Variants in CIT observed in about 807,000 individuals in gnomAD.
CIT encodes the protein citron rho-interacting serine/threonine kinase, also known as citron Rho-interacting kinase.
A neutral mutation model predicts 272.7 loss-of-function variants in CIT; 79 were observed. The ratio of observed to expected loss-of-function variants is 0.29; its 90% CI spans 0.24 to 0.35. The LOEUF is 0.35. Ranked by LOEUF, CIT falls within the 10% of genes least tolerant of loss-of-function variation. CIT has a pLI of 1.00. For missense variants in CIT, 1,909 were observed against 2,618.3 expected (o/e 0.73, Z 5.91); for synonymous variants, 948 against 995.6 (o/e 0.95, Z 0.90).
intron 3 of CIT, among the ~76,000 whole-genome samples, chr12:119,867,952 G>A (rs898555010): frequency 2.0e-5 from 3 of 152,192 alleles, no homozygotes; most frequent in African/African-American, 7.2e-5. Flanking sequence ...TATGGGGCCA[G>A]GCATGGTGGC....
At chr12:119,700,624 AC>A (rs1956503807) in intron 44 of CIT, 120 bp downstream of exon 44, 1 of 801,606 alleles carries the variant, frequency 1.2e-6, no homozygotes, top group Non-Finnish European at 2.2e-6. Flanking sequence ...CTCATGATCC[AC>A]CCGCCTCGGC....
intron 40 of CIT, 86 bp from the exon 41 acceptor site, chr12:119,704,541 C>A: frequency 1.7e-6 from 2 of 1,162,802 alleles, no homozygotes; most frequent in Non-Finnish European, 1.3e-6. Flanking sequence ...TCAGGCTCAG[C>A]GCCATTGATG....
At chr12:119,811,565 T>A (rs577738822) in intron 9 of CIT, among the ~76,000 whole-genome samples, 1 of 152,374 alleles carries the variant, frequency 6.6e-6, no homozygotes, top group African/African-American at 2.4e-5. Context: ...ACTAGGCAGA[T>A]AACCTCTCTG....
chr12:119,825,677 A>G (rs1968105228), intron 7 of CIT, among the ~76,000 whole-genome samples: 1 of 152,234 alleles, frequency 6.6e-6, no homozygotes, highest in Non-Finnish European at 1.5e-5. Context: ...CTTTCCTAAT[A>G]CAAGTTATTG....
intron 22 of CIT, 27 bp from the exon 23 acceptor site, chr12:119,752,274 G>A: frequency 6.4e-7 from 1 of 1,572,340 alleles, no homozygotes. Context: ...GAGAGAAAGA[G>A]AGATAAACCC....
chr12:119,798,742 TCA>T (rs1253136405), intron 10 of CIT, among the ~76,000 whole-genome samples: 1 of 152,208 alleles, frequency 6.6e-6, no homozygotes, highest in Non-Finnish European at 1.5e-5. Context: ...TGCCTTGAGA[TCA>T]CAGTCTACTT....
intron 9 of CIT, among the ~76,000 whole-genome samples, chr12:119,816,006 C>A (rs1283620511): frequency 6.6e-6 from 1 of 152,164 alleles, no homozygotes; most frequent in Non-Finnish European, 1.5e-5. Context: ...CTGCCAACTT[C>A]GGGCTCCATG....
chr12:119,869,395 G>A (rs573024081), intron 2 of CIT, among the ~76,000 whole-genome samples, 194 bp from the exon 3 acceptor site: 79 of 152,282 alleles, frequency 5.2e-4, no homozygotes, highest in African/African-American at 1.9e-3. Flanking sequence ...ATGATTCCAA[G>A]ACTGTGGGTT....
At chr12:119,719,781 C>T (rs1392515828) in intron 30 of CIT, among the ~76,000 whole-genome samples, 1 of 152,208 alleles carries the variant, frequency 6.6e-6, no homozygotes, top group Non-Finnish European at 1.5e-5. Context: ...TTCTTCAAGA[C>T]TTTTCTGGAA....
At position 119,721,298 on chromosome 12, in the gene CIT, C is replaced by T. The variant is rs1957805852; in HGVS notation, c.3732+11G>A. ...ACCATTTTTAAGCAGATTCCCTCTG[C>T]CAGTCCTCACCTGAATGTTTTCCAG... On this transcript the variant is annotated intron_variant, in intron 29 of 47. Coordinates refer to ENST00000392521, the MANE Select transcript of CIT (RefSeq NM_001206999.2). 1.3e-6 allele frequency: 2 copies of T among 1,591,466 alleles called. No individual in the cohort carries two copies. The highest frequency in any genetic ancestry group is 1.7e-6 in the Non-Finnish European group (2 of 1,162,576).
Position 119,700,840 on chromosome 12 carries a change from G to T in CIT, c.5543-15C>A. 2 of 1,609,454 alleles carry T rather than the reference G, an allele frequency of 1.2e-6. No individual in the cohort carries two copies. Among genetic ancestry groups the T allele is most frequent in the Non-Finnish European group, 1.7e-6 (2 of 1,176,014 alleles). ...CACTCCAAATTCTGCAAGGTGTCAAGAGCACGTGGGCATTAGCACAGCCAA... is the reference window on the plus strand; with the variant it reads ...CACTCCAAATTCTGCAAGGTGTCAATAGCACGTGGGCATTAGCACAGCCAA... On this transcript the variant is annotated splice_polypyrimidine_tract_variant and intron_variant, in intron 43 of 47. Coordinates refer to ENST00000392521, the MANE Select transcript of CIT (RefSeq NM_001206999.2).
intron 1 of CIT, among the ~76,000 whole-genome samples, 155 bp downstream of exon 1, chr12:119,877,094 C>G (rs57626094): frequency 0.087 from 13,174 of 152,100 alleles, 1,406 homozygotes; most frequent in African/African-American, 0.26. Flanking sequence ...CAGCTAGCCC[C>G]GGAAGACCCT....
intron 5 of CIT, among the ~76,000 whole-genome samples, chr12:119,838,497 T>C (rs1969178992): frequency 6.6e-6 from 1 of 152,212 alleles, no homozygotes. Flanking sequence ...TCACATTCCA[T>C]GGGTGGGACC....
At chr12:119,714,450 G>A in intron 32 of CIT, 116 bp from the exon 33 acceptor site, 1 of 1,061,254 alleles carries the variant, frequency 9.4e-7, no homozygotes, top group Non-Finnish European at 1.4e-6. Flanking sequence ...TCTGATAAGG[G>A]ACTCATATCT....
chr12:119,718,990 A>C lies in CIT; in HGVS notation c.3841-129T>G. 1.1e-6 allele frequency: 1 copy of C among 914,206 alleles called. No homozygotes were observed. Among genetic ancestry groups the C allele is most frequent in the East Asian group, 2.5e-5 (1 of 39,592 alleles). 56.6% of individuals were successfully genotyped at this position (914,206 alleles called of 1,614,324 possible). ...ATACTCACTGTAAGTGTATTTAGTA[A>C]AAATGGCATGTGAAGGGGGGGAAGG... On this transcript the variant is annotated intron_variant, in intron 30 of 47. Transcript: ENST00000392521. The surrounding 1 kb of genome is among the most constrained non-coding windows in gnomAD (Gnocchi z 4.8).
At chr12:119,779,220 A>AAATT (rs1027247059) in intron 13 of CIT, among the ~76,000 whole-genome samples, 25 of 152,136 alleles carry the variant, frequency 1.6e-4, no homozygotes, top group Admixed American at 3.3e-4. Context: ...ACTCTATCTC[A>AAATT]AATTAATTAA....
chr12:119,711,232 T>TAA, intron 37 of CIT: 1 of 554,396 alleles, frequency 1.8e-6, no homozygotes, highest in Non-Finnish European at 3.1e-6. Flanking sequence ...TGCTAACACA[T>TAA]AAAGTGTTTA....
intron 41 of CIT, among the ~76,000 whole-genome samples, chr12:119,703,959 G>A (rs934405485): frequency 2.6e-5 from 4 of 152,164 alleles, no homozygotes; most frequent in Non-Finnish European, 5.9e-5. Context: ...ATTGCAGAAG[G>A]TTATATTAAT....
At chr12:119,721,502 G>A in intron 28 of CIT, 53 bp from the exon 29 acceptor site, 6 of 1,497,322 alleles carry the variant, frequency 4.0e-6, no homozygotes, top group Middle Eastern at 1.8e-4. Context: ...AATACAATTT[G>A]TTCCCCTGCT....
Sources: gnomAD v4.1 joint callset for allele counts (sites outside exome capture counted in the v4.1 genomes callset) on GRCh38, gnomAD v4.1.1 for gene constraint, Gnocchi (gnomAD v3.1) non-coding constraint, MANE v1.5 for transcripts, NCBI Gene and HGNC (gene_info 2026-07-23, HGNC 2026-07-21) for gene names.